NRIP1: variants seen among roughly 807,000 people sequenced by gnomAD.
The protein encoded by NRIP1 is nuclear receptor interacting protein 1.
In NRIP1, 28 loss-of-function variants were observed where a neutral mutation model predicts 75.0. The observed-to-expected ratio is 0.37, with a 90% CI of 0.28 to 0.51. The LOEUF (loss-of-function observed/expected upper bound fraction) is 0.51, where lower values mean the gene tolerates loss of function less well. Among genes scored for constraint, NRIP1 ranks in the 20% least tolerant of loss-of-function variants. The pLI is 0.92. For missense variants in NRIP1, 1,435 were observed against 1,343.7 expected, an observed-to-expected ratio of 1.07 and a Z score of -1.06; for synonymous variants, 526 against 487.6, an observed-to-expected ratio of 1.08 and a Z score of -1.04.
intron 1 of NRIP1, among the ~76,000 whole-genome samples, chr21:15,045,942 A>C (rs1198036619): frequency 6.6e-6 from 1 of 152,214 alleles, no homozygotes; most frequent in East Asian, 1.9e-4. Flanking sequence ...ATTCAGTCAC[A>C]TCTTCAGGCT....
chr21:15,065,385 C>T (rs1371897502), upstream of NRIP1, among the ~76,000 whole-genome samples: 5 of 151,998 alleles, frequency 3.3e-5, no homozygotes, highest in Non-Finnish European at 7.4e-5. Flanking sequence ...CCGCTGCAGG[C>T]GCCTGGACAG....
At chr21:15,032,988 G>A (rs2088743800) in intron 2 of NRIP1, among the ~76,000 whole-genome samples, 1 of 152,158 alleles carries the variant, frequency 6.6e-6, no homozygotes, top group South Asian at 2.1e-4. Context: ...CACTTCGGGA[G>A]GCCGAGGTGG....
rs772270155 is a variant in NRIP1, at chr21:14,966,714, G to C, written c.1479C>G (p.Asn493Lys). The change falls in exon 4 of 4, where the codon AAC (asparagine) becomes AAG (lysine). Residue 493 changes from asparagine (N) to lysine (K), a missense_variant. Physicochemically the swap from Asn to Lys is moderately conservative, Grantham distance 94. Coordinates refer to ENST00000318948, the MANE Select transcript of NRIP1 (RefSeq NM_003489.4). ...GAAGAAGTGTTACTTTCTGGTGTGA[G>C]TTTAGCTTAGAATTCTTTGAGGTAT... ...DQDTSKNSKL[N>K]SHQKVTLLQL... The C allele has an allele frequency of 6.2e-7, 1 of 1,614,038 alleles. No homozygotes were observed.
intron 1 of NRIP1, among the ~76,000 whole-genome samples, chr21:15,046,322 T>C (rs555124799): frequency 6.6e-6 from 1 of 152,332 alleles, no homozygotes; most frequent in Admixed American, 6.5e-5. Context: ...AACATTAACT[T>C]CCTTGTACAT....
At chr21:15,024,799 TAAAA>T (rs1600887448) in intron 2 of NRIP1, among the ~76,000 whole-genome samples, 1 of 152,228 alleles carries the variant, frequency 6.6e-6, no homozygotes, top group African/African-American at 2.4e-5. Context: ...TTTAAAATTT[TAAAA>T]AATTTAAGAC....
intron 3 of NRIP1, among the ~76,000 whole-genome samples, chr21:14,976,159 C>T (rs1289087774): frequency 6.6e-6 from 1 of 152,028 alleles, no homozygotes; most frequent in Non-Finnish European, 1.5e-5. Context: ...ACAGAATCTT[C>T]CTTTTATTAA....
In NRIP1 at chr21:14,986,735, T is replaced by C. The variant is rs143223875; in HGVS notation, c.-334-18209A>G. On this transcript the variant is annotated intron_variant, in intron 3 of 3. Transcript: ENST00000318948. ...GTCTATAATTAGAAAACGGAGATTT[T>C]TGGCATATATTTTATTCATTTGAAC... 1.7e-3 allele frequency among the ~76,000 whole-genome samples: 258 copies of C among 152,338 alleles called. 2 individuals carry two copies. Among genetic ancestry groups the C allele is most frequent in the African/African-American group, 5.8e-3 (242 of 41,582 alleles).
chr21:15,011,375 C>G (rs1034473415), intron 3 of NRIP1, among the ~76,000 whole-genome samples: 12 of 152,110 alleles, frequency 7.9e-5, no homozygotes, highest in Non-Finnish European at 1.5e-5. Context: ...ATTTTTAGTA[C>G]AGACAGGGTT....
intron 1 of NRIP1, among the ~76,000 whole-genome samples, chr21:15,046,980 C>T (rs1480481905): frequency 6.6e-6 from 1 of 152,132 alleles, no homozygotes; most frequent in African/African-American, 2.4e-5. Context: ...AATGTTATGG[C>T]TGCTTTGATT....
At chr21:14,973,729 T>A (rs1405804568) in intron 3 of NRIP1, among the ~76,000 whole-genome samples, 2 of 151,052 alleles carry the variant, frequency 1.3e-5, no homozygotes, top group South Asian at 2.1e-4. Flanking sequence ...CAGGCTGGAC[T>A]GCAGTGGTGA....
chr21:15,019,266 C>A (rs1041241387), intron 2 of NRIP1, among the ~76,000 whole-genome samples: 1 of 149,838 alleles, frequency 6.7e-6, no homozygotes, highest in Admixed American at 6.7e-5. Context: ...CACCTAAGAT[C>A]TGAAGAAGAC....
chr21:14,998,557 G>C (rs2087783959), intron 3 of NRIP1, among the ~76,000 whole-genome samples: 1 of 152,162 alleles, frequency 6.6e-6, no homozygotes, highest in African/African-American at 2.4e-5. Flanking sequence ...TGCTACAGTT[G>C]ACCCTTGAAC....
chr21:15,050,269 G>C (rs2089172673), intron 1 of NRIP1: 1 of 171,316 alleles, frequency 5.8e-6, no homozygotes, highest in Non-Finnish European at 1.3e-5. Flanking sequence ...CAATGTTCTT[G>C]GCTACATTTC....
intron 2 of NRIP1, among the ~76,000 whole-genome samples, chr21:15,028,289 T>C (rs1349557392): frequency 6.6e-6 from 1 of 152,232 alleles, no homozygotes; most frequent in Non-Finnish European, 1.5e-5. Context: ...CCATTCATCC[T>C]GATAAACTTG....
rs1032229889 is a variant in NRIP1 at position 14,961,518 on chromosome 21, A to C, written c.*3198T>G. On this transcript the variant is annotated 3_prime_UTR_variant, in exon 4 of 4. Transcript: ENST00000318948. ...ATAATGTTTGCAATGGGATTAAAAA[A>C]TTCATGAAAGTAGTTGTGTGAATTC... is the stretch of plus-strand genomic sequence containing the variant. The C allele has an allele frequency of 2.0e-5, 3 of 152,456 alleles. No individual in the cohort carries two copies. Among genetic ancestry groups the C allele is most frequent in the Non-Finnish European group, 4.4e-5 (3 of 67,920 alleles). The allele number at this position is 152,456 out of a possible 1,614,324, so 9.4% of individuals were successfully genotyped here.
At position 14,964,865 on chromosome 21, in the gene NRIP1, G is replaced by T; in HGVS notation, c.3328C>A (p.Pro1110Thr). 2 of 1,613,370 alleles carry T rather than the reference G, an allele frequency of 1.2e-6. No individual in the cohort carries two copies. The highest frequency in any genetic ancestry group is 1.7e-6 in the Non-Finnish European group (2 of 1,179,682). Reference protein sequence around the residue: ...SQVTAKEELLPTAETKASFFN... With the variant: ...SQVTAKEELLTTAETKASFFN... ...AAAGAAGCTTTCGTTTCTGCAGTAG[G>T]AAGTAACTCTTCTTTGGCTGTGACC... The change falls in exon 4 of 4, where the codon CCT becomes ACT. Residue 1110 changes from proline to threonine, a missense_variant. Coordinates refer to ENST00000318948, the MANE Select transcript of NRIP1 (RefSeq NM_003489.4).
chr21:15,047,527 G>A (rs1054627176), intron 1 of NRIP1, among the ~76,000 whole-genome samples: 1 of 152,166 alleles, frequency 6.6e-6, no homozygotes, highest in African/African-American at 2.4e-5. Flanking sequence ...GCGGCAGAGC[G>A]AGACTTCTTC....
At chr21:14,971,487 C>T (rs2086901769) in intron 3 of NRIP1, 1 of 152,170 alleles carries the variant, frequency 6.6e-6, no homozygotes, top group South Asian at 2.1e-4. Context: ...TCCCAATCTG[C>T]TTCAAGATCT....
intron 3 of NRIP1, among the ~76,000 whole-genome samples, chr21:14,985,933 A>C (rs544882121): frequency 1.3e-5 from 2 of 152,360 alleles, no homozygotes; most frequent in East Asian, 3.8e-4. Context: ...CTCTAAAACC[A>C]GACATTCATT....
Sources: allele counts gnomAD v4.1 joint callset (sites outside exome capture counted in the v4.1 genomes callset), GRCh38; gene constraint gnomAD v4.1.1; transcripts MANE v1.5; gene names NCBI Gene and HGNC (gene_info 2026-07-23, HGNC 2026-07-21).